Variants in RANBP17 observed in about 807,000 individuals in gnomAD.
The protein encoded by RANBP17 is ran-binding protein 17.
Under a neutral mutation model 141.2 loss-of-function variants are expected in RANBP17, and 158 were observed. The ratio of observed to expected loss-of-function variants is 1.12; its 90% confidence interval spans 0.98 to 1.28. The LOEUF (loss-of-function observed/expected upper bound fraction) is 1.28. Among genes scored for constraint, RANBP17 ranks in the 50% most tolerant of loss-of-function variants. The probability of loss-of-function intolerance (pLI) is 0.00; values close to 1 mark genes in which losing one functional copy is unlikely to be tolerated. For missense variants in RANBP17, 1,438 were observed against 1,290.7 expected (o/e 1.11, Z -1.75); for synonymous variants, 430 against 450.0 (o/e 0.96, Z 0.56).
intron 14 of RANBP17, among the ~76,000 whole-genome samples, chr5:171,009,781 C>G (rs959045982): frequency 2.0e-5 from 3 of 152,036 alleles, no homozygotes; most frequent in Non-Finnish European, 4.4e-5. Context: ...AACCATCTTG[C>G]TGATAACAAT....
intron 24 of RANBP17, among the ~76,000 whole-genome samples, chr5:171,261,823 A>T (rs890946609): frequency 6.6e-6 from 1 of 152,238 alleles, no homozygotes; most frequent in South Asian, 2.1e-4. Flanking sequence ...TGAATCTCAC[A>T]TAGTAGCTTG....
intron 25 of RANBP17, among the ~76,000 whole-genome samples, chr5:171,290,878 A>C (rs1768453096): frequency 6.6e-6 from 1 of 152,250 alleles, no homozygotes; most frequent in African/African-American, 2.4e-5. Flanking sequence ...AATGCCTACT[A>C]TGTGGCAAGC....
chr5:171,156,642 T>C (rs1400971618), intron 14 of RANBP17, among the ~76,000 whole-genome samples: 2 of 152,168 alleles, frequency 1.3e-5, no homozygotes. Flanking sequence ...TACATGTTTT[T>C]GTAGCAAGAG....
chr5:171,223,979 T>C lies in RANBP17; in HGVS notation c.2422+2139T>C, dbSNP rs1290731002. On this transcript the variant is annotated intron_variant, in intron 22 of 27. Transcript: ENST00000523189. ...GGACTACTAAATACCTACTGACTTA[T>C]CTGCCTAGTTGGGATTAAGAAGGCT... 2.6e-5 allele frequency among the ~76,000 whole-genome samples: 4 copies of C among 152,218 alleles called. No individual in the cohort carries two copies. In the South Asian group the frequency reaches 8.3e-4, roughly 31 times the overall value.
At chr5:171,065,752 A>G (rs1040606428) in intron 14 of RANBP17, among the ~76,000 whole-genome samples, 3 of 152,150 alleles carry the variant, frequency 2.0e-5, no homozygotes, top group African/African-American at 7.2e-5. Flanking sequence ...ATACTGTTTA[A>G]TGAAAGAGGT....
At chr5:170,986,449 T>G (rs1315197645) in intron 14 of RANBP17, among the ~76,000 whole-genome samples, 1 of 151,924 alleles carries the variant, frequency 6.6e-6, no homozygotes, top group African/African-American at 2.4e-5. Flanking sequence ...CAAGTAGAAT[T>G]GGAATGCTCC....
At chr5:171,016,508 G>A (rs1780443047) in intron 14 of RANBP17, among the ~76,000 whole-genome samples, 1 of 151,516 alleles carries the variant, frequency 6.6e-6, no homozygotes, top group Non-Finnish European at 1.5e-5. Flanking sequence ...ATCCCATCTG[G>A]TTTTTGTTCT....
intron 5 of RANBP17, among the ~76,000 whole-genome samples, chr5:170,899,157 G>T (rs192180446): frequency 6.6e-6 from 1 of 152,286 alleles, no homozygotes; most frequent in Admixed American, 6.5e-5. Context: ...CATGAGCATG[G>T]AATGTTTTTC....
intron 14 of RANBP17, among the ~76,000 whole-genome samples, chr5:171,122,569 T>C (rs183002445): frequency 1.9e-4 from 29 of 152,254 alleles, no homozygotes; most frequent in African/African-American, 6.7e-4. Flanking sequence ...CTGGCCAGGA[T>C]TGGCTCAGAG....
intron 14 of RANBP17, among the ~76,000 whole-genome samples, chr5:171,121,754 C>T (rs529012385): frequency 2.8e-4 from 43 of 152,150 alleles, no homozygotes; most frequent in Admixed American, 9.8e-4. Flanking sequence ...GTTCAGCCAC[C>T]GGTGTGGGCT....
At chr5:171,041,749 T>C (rs1392663487) in intron 14 of RANBP17, among the ~76,000 whole-genome samples, 2 of 152,166 alleles carry the variant, frequency 1.3e-5, no homozygotes, top group East Asian at 3.8e-4. Flanking sequence ...AATTTAATAT[T>C]ATTTTAAGTT....
At chr5:171,050,494 G>T (rs1782885737) in intron 14 of RANBP17, among the ~76,000 whole-genome samples, 1 of 152,074 alleles carries the variant, frequency 6.6e-6, no homozygotes, top group South Asian at 2.1e-4. Flanking sequence ...ACCAGTGCGG[G>T]CAGATGGCTT....
At chr5:171,032,824 G>A (rs2127620221) in intron 14 of RANBP17, among the ~76,000 whole-genome samples, 1 of 152,158 alleles carries the variant, frequency 6.6e-6, no homozygotes, top group Middle Eastern at 3.4e-3. Context: ...GACAACTATA[G>A]GTAGAGTAGA....
At chr5:171,137,571 G>GGTGTGTGTGTGTGTGTGTGTGTGTGTGT (rs757634108) in intron 14 of RANBP17, among the ~76,000 whole-genome samples, 2 of 63,132 alleles carry the variant, frequency 3.2e-5, no homozygotes, top group African/African-American at 9.7e-5. Context: ...GTTGACTTGA[G>GGTGTGTGTGTGTGTGTGTGTGTGTGTGT]ATGTGTGTGT....
In RANBP17 at chr5:170,892,503, G is replaced by C. The variant is rs775006467; in HGVS notation, c.373G>C (p.Asp125His). The change falls in exon 4 of 28, where the codon GAC becomes CAC. Residue 125 changes from aspartate (D) to histidine (H), a missense_variant. Transcript: ENST00000523189. ...TKLGWFEVQK[D>H]QFVFREIIAD... ...GTTGGGGTGGTTTGAGGTTCAGAAA[G>C]ACCAATTTGTCTTCAGAGAAATTAT... The C allele has an allele frequency of 6.2e-7, 1 of 1,613,832 alleles. No individual in the cohort carries two copies. Among genetic ancestry groups the C allele is most frequent in the Admixed American group, 1.7e-5 (1 of 59,952 alleles).
chr5:171,144,947 T>C (rs1434675105), intron 14 of RANBP17, among the ~76,000 whole-genome samples: 1 of 152,214 alleles, frequency 6.6e-6, no homozygotes, highest in African/African-American at 2.4e-5. Context: ...GGCATAAAGA[T>C]ATATGGAGAA....
chr5:171,145,760 A>G (rs1284369228), intron 14 of RANBP17, among the ~76,000 whole-genome samples: 2 of 152,168 alleles, frequency 1.3e-5, no homozygotes, highest in African/African-American at 4.8e-5. Flanking sequence ...AAGCCGCATA[A>G]TGGGATCCAT....
At chr5:171,021,063 T>C (rs1368673113) in intron 14 of RANBP17, among the ~76,000 whole-genome samples, 3 of 152,230 alleles carry the variant, frequency 2.0e-5, no homozygotes, top group Non-Finnish European at 2.9e-5. Flanking sequence ...AAATTCTGGG[T>C]TGAAAATTCT....
At chr5:171,140,152 A>T (rs572256487) in intron 14 of RANBP17, among the ~76,000 whole-genome samples, 30 of 152,238 alleles carry the variant, frequency 2.0e-4, no homozygotes, top group African/African-American at 7.2e-4. Context: ...CTCCCAGGCT[A>T]GGTTATGTTA....
Sources: allele counts gnomAD v4.1 joint callset (sites outside exome capture counted in the v4.1 genomes callset), GRCh38; gene constraint gnomAD v4.1.1; transcripts MANE v1.5; gene names NCBI Gene and HGNC (gene_info 2026-07-23, HGNC 2026-07-21).